EYS: variants seen among roughly 807,000 people sequenced by gnomAD.
EYS encodes protein eyes shut homolog.
In EYS, 250 loss-of-function variants were observed where a neutral mutation model predicts 282.1. The ratio of observed to expected loss-of-function variants is 0.89; its 90% CI spans 0.80 to 0.98. The LOEUF is 0.98. Ranked by LOEUF, EYS falls within the 50% of genes least tolerant of loss-of-function variation. The pLI is 0.00. For missense variants in EYS, 4,016 were observed against 3,709.0 expected (o/e 1.08, Z -2.15); for synonymous variants, 1,355 against 1,282.9 (o/e 1.06, Z -1.20).
At chr6:64,488,256 G>T (rs984996018) in intron 26 of EYS, among the ~76,000 whole-genome samples, 1 of 150,896 alleles carries the variant, frequency 6.6e-6, no homozygotes, top group African/African-American at 2.4e-5. Flanking sequence ...CTAGAAGTAG[G>T]AAGTCAAGCA....
chr6:65,184,178 T>C (rs1245664673), intron 12 of EYS, among the ~76,000 whole-genome samples: 1 of 151,944 alleles, frequency 6.6e-6, no homozygotes, highest in African/African-American at 2.4e-5. Context: ...TTTAACAGAA[T>C]ACCACAGACT....
chr6:64,256,323 C>T (rs1266080188), intron 30 of EYS, among the ~76,000 whole-genome samples: 1 of 151,950 alleles, frequency 6.6e-6, no homozygotes, highest in Non-Finnish European at 1.5e-5. Flanking sequence ...TCTGCTCATG[C>T]TTCATTGTGG....
chr6:64,082,239 T>A (rs377255453), intron 31 of EYS, among the ~76,000 whole-genome samples: 17 of 152,262 alleles, frequency 1.1e-4, no homozygotes, highest in African/African-American at 3.1e-4. Context: ...TTGATGTTTA[T>A]GGATGGGTTT....
intron 7 of EYS, among the ~76,000 whole-genome samples, chr6:65,395,072 G>C (rs933442147): frequency 6.6e-6 from 1 of 152,134 alleles, no homozygotes; most frequent in Non-Finnish European, 1.5e-5. Context: ...TTGTTTGTCT[G>C]TCTGTTTTGA....
At chr6:65,557,953 G>A (rs889213010) in intron 2 of EYS, among the ~76,000 whole-genome samples, 1 of 152,004 alleles carries the variant, frequency 6.6e-6, no homozygotes, top group Non-Finnish European at 1.5e-5. Context: ...GAGCTCACAA[G>A]CGAGGAAATC....
chr6:64,762,355 C>A (rs1773186152), intron 22 of EYS, among the ~76,000 whole-genome samples: 1 of 152,146 alleles, frequency 6.6e-6, no homozygotes. Flanking sequence ...ATTAGGGACT[C>A]AATTCACTCA....
chr6:64,586,737 G>A (rs1370967800), intron 26 of EYS, among the ~76,000 whole-genome samples: 2 of 151,932 alleles, frequency 1.3e-5, no homozygotes, highest in African/African-American at 4.8e-5. Context: ...TCATTTAATA[G>A]AATTTTATCT....
intron 14 of EYS, among the ~76,000 whole-genome samples, chr6:64,981,901 T>A (rs1770681394): frequency 6.6e-6 from 1 of 151,392 alleles, no homozygotes; most frequent in Non-Finnish European, 1.5e-5. Flanking sequence ...TGCCAGATGT[T>A]ACCAGTGGCT....
chr6:63,826,708 T>A (rs983397324), intron 36 of EYS, among the ~76,000 whole-genome samples: 3 of 151,980 alleles, frequency 2.0e-5, no homozygotes, highest in Non-Finnish European at 4.4e-5. Flanking sequence ...GAATTCACCA[T>A]TACCAAGCCA....
chr6:65,442,899 T>C (rs1768409839), intron 5 of EYS, among the ~76,000 whole-genome samples: 2 of 97,972 alleles, frequency 2.0e-5, no homozygotes, highest in African/African-American at 2.7e-5. Flanking sequence ...TACATATATG[T>C]ATATATACAT....
intron 26 of EYS, among the ~76,000 whole-genome samples, chr6:64,509,172 A>G (rs58099798): frequency 0.024 from 3,615 of 152,252 alleles, 139 homozygotes; most frequent in African/African-American, 0.083. Flanking sequence ...CTATTTTAAT[A>G]CTTTTAAAAG....
At chr6:64,394,476 G>A (rs1280327661) in intron 28 of EYS, among the ~76,000 whole-genome samples, 3 of 151,956 alleles carry the variant, frequency 2.0e-5, no homozygotes, top group African/African-American at 4.8e-5. Flanking sequence ...AAATAACGCC[G>A]CATATCTACA....
rs1766261264 is a variant in EYS at position 64,587,231 on chromosome 6, G to A, written c.5644+2992C>T. ...CCAATACAAAGTGGGAAAGTCACCAGCAGCAAGGGACTCTAAAATTATAGG... is the reference window on the plus strand; with the variant it reads ...CCAATACAAAGTGGGAAAGTCACCAACAGCAAGGGACTCTAAAATTATAGG... On this transcript the variant is annotated intron_variant, in intron 26 of 42. Transcript: ENST00000503581. Among the ~76,000 whole-genome samples, 4 of 152,048 alleles carry A rather than the reference G, an allele frequency of 2.6e-5. No homozygotes were observed. The South Asian group carries it at 8.3e-4, about 32-fold the overall frequency.
At chr6:64,681,505 C>A (rs994576925) in intron 22 of EYS, among the ~76,000 whole-genome samples, 18 of 152,152 alleles carry the variant, frequency 1.2e-4, no homozygotes, top group African/African-American at 4.3e-4. Flanking sequence ...GGTAGTTAGG[C>A]AGTTAGACAG....
intron 5 of EYS, among the ~76,000 whole-genome samples, chr6:65,411,372 T>G (rs916475095): frequency 6.6e-6 from 1 of 152,126 alleles, no homozygotes; most frequent in Non-Finnish European, 1.5e-5. Context: ...TGTGTGATTT[T>G]TCACATTTCA....
chr6:64,390,644 C>A (rs1308913282), intron 28 of EYS, among the ~76,000 whole-genome samples: 8 of 150,090 alleles, frequency 5.3e-5, no homozygotes, highest in Non-Finnish European at 1.2e-4. Flanking sequence ...CATCAAAGAC[C>A]AAAAGTAGAT....
At chr6:65,059,562 GAT>G (rs1773511236) in intron 12 of EYS, among the ~76,000 whole-genome samples, 1 of 152,048 alleles carries the variant, frequency 6.6e-6, no homozygotes, top group Non-Finnish European at 1.5e-5. Context: ...CCTTGAGAAA[GAT>G]AGTCTTGGGT....
intron 1 of EYS, among the ~76,000 whole-genome samples, chr6:65,700,486 T>C (rs1769635615): frequency 6.6e-6 from 1 of 152,238 alleles, no homozygotes; most frequent in Non-Finnish European, 1.5e-5. Context: ...TGTTACACTT[T>C]AATTATTTTA....
Position 64,081,859 on chromosome 6 carries a change from A to G in EYS, c.6568T>C (p.Tyr2190His), listed in dbSNP as rs756661616. The change falls in exon 32 of 43, where the codon TAC (tyrosine) becomes CAC (histidine). Residue 2190 changes from tyrosine (Y) to histidine (H), a missense_variant. Physicochemically the swap from Tyr to His is moderately conservative, Grantham distance 83. Coordinates refer to ENST00000503581, the MANE Select transcript of EYS (RefSeq NM_001142800.2). Reference protein sequence around the residue: ...KTNSLNGTILYSNGNNCGKQF... With the variant: ...KTNSLNGTILHSNGNNCGKQF... Reference sequence around the variant, plus strand: ...AAGTCAAACATTTAATACTCACTGTAAAGAATAGTTCCATTTAAACTGTTT... The same window carrying G: ...AAGTCAAACATTTAATACTCACTGTGAAGAATAGTTCCATTTAAACTGTTT... The G allele has an allele frequency of 2.0e-6, 3 of 1,520,134 alleles. No individual in the cohort carries two copies. The South Asian group carries it at 3.7e-5, about 19-fold the overall frequency. The allele number at this position is 1,520,134 out of a possible 1,614,324, so 94.2% of individuals were successfully genotyped here.
Sources: gnomAD v4.1 joint callset for allele counts (sites outside exome capture counted in the v4.1 genomes callset) on GRCh38, gnomAD v4.1.1 for gene constraint, MANE v1.5 for transcripts, NCBI Gene and HGNC (gene_info 2026-07-23, HGNC 2026-07-21) for gene names.